The following VPS50 variants were observed in gnomAD, a reference collection of about 807,000 sequenced individuals.
The protein encoded by VPS50 is VPS50 subunit of EARP/GARPII complex.
Under a neutral mutation model 139.7 loss-of-function variants are expected in VPS50, and 70 were observed. That is an observed-to-expected ratio of 0.50 (90% CI 0.41 to 0.61). The LOEUF is 0.61. Among genes scored for constraint, VPS50 ranks in the 20% least tolerant of loss-of-function variants. The pLI is 0.00. For missense variants in VPS50, 921 were observed against 1,133.7 expected (o/e 0.81, Z 2.69); for synonymous variants, 365 against 376.7 (o/e 0.97, Z 0.36).
intron 1 of VPS50, among the ~76,000 whole-genome samples, chr7:93,235,939 C>G (rs944057283): frequency 6.6e-6 from 1 of 151,642 alleles, no homozygotes; most frequent in African/African-American, 2.4e-5. Flanking sequence ...AAGGTTGGAG[C>G]TTTTGAGAAT....
At chr7:93,333,153 C>G (rs879676916) in intron 21 of VPS50, among the ~76,000 whole-genome samples, 1 of 151,820 alleles carries the variant, frequency 6.6e-6, no homozygotes, top group Non-Finnish European at 1.5e-5. Context: ...TTTATAAAAC[C>G]TGGAGAAAAT....
intron 9 of VPS50, among the ~76,000 whole-genome samples, chr7:93,266,423 A>G (rs1795845453): frequency 6.6e-6 from 1 of 152,190 alleles, no homozygotes; most frequent in Non-Finnish European, 1.5e-5. Context: ...TCGCTGTGCC[A>G]TCTTGTCTTT....
chr7:93,355,604 A>G (rs1798684246), intron 26 of VPS50, among the ~76,000 whole-genome samples: 1 of 152,170 alleles, frequency 6.6e-6, no homozygotes, highest in Non-Finnish European at 1.5e-5. Context: ...TCTTACAGAC[A>G]ATTATGTTGA....
chr7:93,287,030 T>C lies in VPS50; in HGVS notation c.943-4673T>C, dbSNP rs575389351. 2.6e-5 allele frequency among the ~76,000 whole-genome samples: 4 copies of C among 151,490 alleles called. No individual in the cohort carries two copies. The South Asian group carries it at 6.2e-4, about 24-fold the overall frequency. On this transcript the variant is annotated intron_variant, in intron 12 of 27. Coordinates refer to ENST00000305866, the MANE Select transcript of VPS50 (RefSeq NM_017667.4). ...TTTTTAAAAAAAAAACTACCCCACCTTGCCTTTTTTCCTTAAACTATTTAT... is the reference window on the plus strand; with the variant it reads ...TTTTTAAAAAAAAAACTACCCCACCCTGCCTTTTTTCCTTAAACTATTTAT...
chr7:93,281,042 G>A (rs1399996456), intron 12 of VPS50, among the ~76,000 whole-genome samples: 4 of 152,072 alleles, frequency 2.6e-5, no homozygotes, highest in African/African-American at 9.7e-5. Context: ...TTAGTAATTG[G>A]ATTGCCATAT....
chr7:93,257,279 T>A (rs1179323603), intron 5 of VPS50, 115 bp from the exon 6 acceptor site: 12 of 601,374 alleles, frequency 2.0e-5, no homozygotes, highest in Non-Finnish European at 3.5e-5. Context: ...GTTGCTACTT[T>A]GTTTTTCAAG....
chr7:93,327,238 C>A (rs534925796), intron 21 of VPS50, among the ~76,000 whole-genome samples: 1 of 152,270 alleles, frequency 6.6e-6, no homozygotes, highest in East Asian at 1.9e-4. Flanking sequence ...ATATGTATGA[C>A]TAATGACTTA....
Position 93,256,491 on chromosome 7 carries a change from G to T in VPS50, c.298-18G>T. On this transcript the variant is annotated intron_variant, in intron 4 of 27. Coordinates refer to ENST00000305866, the MANE Select transcript of VPS50 (RefSeq NM_017667.4). ...GTTTGTTCTTTTATTTCCTTTGTTTGATTACATCTTCTTATAGGTATCTAA... is the reference window on the plus strand; with the variant it reads ...GTTTGTTCTTTTATTTCCTTTGTTTTATTACATCTTCTTATAGGTATCTAA... 8.1e-7 allele frequency: 1 copy of T among 1,241,946 alleles called. No individual in the cohort carries two copies. Among genetic ancestry groups the T allele is most frequent in the Non-Finnish European group, 1.1e-6 (1 of 900,280 alleles). 76.9% of individuals were successfully genotyped at this position (1,241,946 alleles called of 1,614,324 possible).
intron 8 of VPS50, among the ~76,000 whole-genome samples, chr7:93,259,031 A>G (rs1025334999): frequency 3.3e-5 from 5 of 152,048 alleles, no homozygotes; most frequent in Non-Finnish European, 7.4e-5. Flanking sequence ...TCAGAAACCC[A>G]TATGAAAAAT....
At chr7:93,276,061 G>C in intron 11 of VPS50, 104 bp from the exon 12 acceptor site, 4 of 1,064,320 alleles carry the variant, frequency 3.8e-6, no homozygotes. Context: ...TCTTTGTGTT[G>C]TAACTATTAT....
At chr7:93,322,097 T>A (rs1363170326) in intron 20 of VPS50, among the ~76,000 whole-genome samples, 1 of 147,088 alleles carries the variant, frequency 6.8e-6, no homozygotes, top group Non-Finnish European at 1.5e-5. Flanking sequence ...TAAGAATAAA[T>A]CTGAGTTGAG....
intron 21 of VPS50, among the ~76,000 whole-genome samples, chr7:93,331,649 G>A (rs1348946065): frequency 6.6e-6 from 1 of 152,118 alleles, no homozygotes; most frequent in African/African-American, 2.4e-5. Context: ...AAAAAACTAG[G>A]AGAAAATCTT....
At chr7:93,253,494 G>C (rs1054979321) in intron 3 of VPS50, among the ~76,000 whole-genome samples, 1 of 152,180 alleles carries the variant, frequency 6.6e-6, no homozygotes, top group African/African-American at 2.4e-5. Context: ...TCTGTGGATG[G>C]TAGAGTTGGG....
At chr7:93,313,437 C>T (rs935477891) in intron 20 of VPS50, among the ~76,000 whole-genome samples, 1 of 152,044 alleles carries the variant, frequency 6.6e-6, no homozygotes, top group Non-Finnish European at 1.5e-5. Flanking sequence ...TCATTATAAT[C>T]AAATAAAATA....
intron 21 of VPS50, among the ~76,000 whole-genome samples, chr7:93,325,304 A>T (rs1797736662): frequency 6.6e-6 from 1 of 152,220 alleles, no homozygotes; most frequent in African/African-American, 2.4e-5. Flanking sequence ...TTAATTCAAG[A>T]TGGATTAAAG....
rs773222688 is a variant in VPS50 at position 93,358,642 on chromosome 7, G to T, written c.*206G>T. 9 of 450,280 alleles carry T rather than the reference G, an allele frequency of 2.0e-5. No homozygotes were observed. Among genetic ancestry groups the T allele is most frequent in the Non-Finnish European group, 3.6e-5 (9 of 247,858 alleles). 27.9% of individuals were successfully genotyped at this position (450,280 alleles called of 1,614,324 possible). On this transcript the variant is annotated 3_prime_UTR_variant, in exon 28 of 28. Coordinates refer to ENST00000305866, the MANE Select transcript of VPS50 (RefSeq NM_017667.4). ...GTCTCTTCAACTTTTGGTCTCATTTGTTGTAATCTGAAATGATGTTGCCGC... is the reference window on the plus strand; with the variant it reads ...GTCTCTTCAACTTTTGGTCTCATTTTTTGTAATCTGAAATGATGTTGCCGC...
In VPS50 at chr7:93,355,985, A is replaced by T; in HGVS notation, c.2680A>T (p.Ile894Phe). ...FLMKLEKLTD[I>F]RPIPDKEFVE... ...AATGAAACTTGAAAAACTAACAGATATTAGACCCATTCCTGATAAAGAATT... is the reference window on the plus strand; with the variant it reads ...AATGAAACTTGAAAAACTAACAGATTTTAGACCCATTCCTGATAAAGAATT... Residue 894 changes from isoleucine (I) to phenylalanine (F), a missense_variant, in exon 27 of 28, where the codon ATT (isoleucine) becomes TTT (phenylalanine). Transcript: ENST00000305866. 1.3e-6 allele frequency: 2 copies of T among 1,590,452 alleles called. No individual in the cohort carries two copies. The highest frequency in any genetic ancestry group is 1.7e-6 in the Non-Finnish European group (2 of 1,160,552).
In VPS50 at chr7:93,305,956, G is replaced by C. The variant is rs2116975304; in HGVS notation, c.1581G>C (p.Gln527His). Residue 527 changes from glutamine to histidine, a missense_variant, in exon 18 of 28, where the codon CAG becomes CAC. This residue lies in a region of VPS50 where 744 missense variants were observed against 930.6 expected (regional missense o/e 0.80). Transcript: ENST00000305866. ...GTGGTGGGAATCCATTTGAAATTCA[G>C]GCCAACCACAAAGATGAAGAAACAG... ...YCSGGNPFEI[Q>H]ANHKDEETED... The C allele has an allele frequency of 6.2e-7, 1 of 1,612,418 alleles. No individual in the cohort carries two copies. Among genetic ancestry groups the C allele is most frequent in the East Asian group, 2.2e-5 (1 of 44,824 alleles).
Position 93,252,701 on chromosome 7 carries a change from C to A in VPS50, c.151C>A (p.Gln51Lys). Residue 51 changes from glutamine (Q) to lysine (K), a missense_variant, in exon 3 of 28, where the codon CAA becomes AAA. Around this residue, in one of 3 missense-constraint regions of VPS50, gnomAD observed 744 missense variants for 930.6 expected, o/e 0.80. Transcript: ENST00000305866. ...REQPSDPQAE[Q>K]ELINSIEQVY... ...ACAGCCAAGTGACCCTCAAGCTGAA[C>A]AAGAGCTTATTAATAGTATTGAACA... is the stretch of plus-strand genomic sequence containing the variant. 1.3e-6 allele frequency: 2 copies of A among 1,598,606 alleles called. No individual in the cohort carries two copies.
Sources: allele counts gnomAD v4.1 joint callset (sites outside exome capture counted in the v4.1 genomes callset), GRCh38; gene constraint gnomAD v4.1.1; regional missense constraint gnomAD v4.1.1; transcripts MANE v1.5; gene names NCBI Gene and HGNC (gene_info 2026-07-23, HGNC 2026-07-21).